THOP1: variants seen among roughly 807,000 people sequenced by gnomAD.
THOP1 encodes thimet oligopeptidase 1.
In THOP1, 49 loss-of-function variants were observed where a neutral mutation model predicts 71.8. That is an observed-to-expected ratio of 0.68 (90% CI 0.54 to 0.87). The LOEUF (loss-of-function observed/expected upper bound fraction) is 0.87, where lower values mean the gene tolerates loss of function less well. THOP1 is among the 40% of genes least tolerant of loss of function. The probability of loss-of-function intolerance (pLI) is 0.00; values close to 1 mark genes in which losing one functional copy is unlikely to be tolerated. For synonymous variants in THOP1, 426 were observed against 421.5 expected, an observed-to-expected ratio of 1.01 and a Z score of -0.13; for missense variants, 843 against 975.6, an observed-to-expected ratio of 0.86 and a Z score of 1.81.
At position 2,804,388 on chromosome 19, in the gene THOP1, T is replaced by C. The variant is rs957942308; in HGVS notation, c.590-628T>C. 2.0e-5 allele frequency among the ~76,000 whole-genome samples: 3 copies of C among 152,124 alleles called. No homozygotes were observed. The highest frequency in any genetic ancestry group is 7.2e-5 in the African/African-American group (3 of 41,410). ...TCTGGGAGTAGGAATTGGGTCTCTCTGGAGGGACACACTTGAAAGTGGTTG... is the reference window on the plus strand; with the variant it reads ...TCTGGGAGTAGGAATTGGGTCTCTCCGGAGGGACACACTTGAAAGTGGTTG... On this transcript the variant is annotated intron_variant, in intron 5 of 12. Transcript: ENST00000307741. This position sits in a 1 kb window ranked among gnomAD's most constrained non-coding sequence, Gnocchi z 4.7.
At position 2,796,041 on chromosome 19, in the gene THOP1, A is replaced by G. The variant is rs376178465; in HGVS notation, c.379-40A>G. The G allele has an allele frequency of 3.9e-6, 6 of 1,530,394 alleles. No individual in the cohort carries two copies. In the African/African-American group the frequency reaches 6.8e-5, roughly 17 times the overall value. The allele number at this position is 1,530,394 out of a possible 1,614,324, so 94.8% of individuals were successfully genotyped here. On this transcript the variant is annotated intron_variant, in intron 3 of 12. Coordinates refer to ENST00000307741, the MANE Select transcript of THOP1 (RefSeq NM_003249.5). The stretch of plus-strand genomic sequence containing the variant: ...CCAAACTGCTCTTTGGAGCGGCTGC[A>G]CTGGCCCACGTCCTACATGCTTTGA...
chr19:2,813,635 T>A lies in THOP1; in HGVS notation c.*359T>A, dbSNP rs1003272366. The A allele has an allele frequency of 2.1e-5, 4 of 193,160 alleles. No individual in the cohort carries two copies. Among genetic ancestry groups the A allele is most frequent in the African/African-American group, 9.3e-5 (4 of 42,946 alleles). 12.0% of individuals were successfully genotyped at this position (193,160 alleles called of 1,614,324 possible). Reference sequence around the variant, plus strand: ...CTGGCCTGGTCACTGGCTCCTGCGCTTTTTTGGTCCGAGGACGGTGGGACG... The same window carrying A: ...CTGGCCTGGTCACTGGCTCCTGCGCATTTTTGGTCCGAGGACGGTGGGACG... On this transcript the variant is annotated 3_prime_UTR_variant, in exon 13 of 13. Transcript: ENST00000307741.
chr19:2,807,435 C>A lies in THOP1; in HGVS notation c.887-7C>A, dbSNP rs1335022948. The stretch of plus-strand genomic sequence containing the variant: ...GCGAGAGGCCCACCTTTCTGCCCTC[C>A]CCGCAGATGAGCTGGCGCAGAAGCT... On this transcript the variant is annotated splice_region_variant and splice_polypyrimidine_tract_variant and intron_variant, in intron 7 of 12. Transcript: ENST00000307741. 6 of 1,578,418 alleles carry A rather than the reference C, an allele frequency of 3.8e-6. No individual in the cohort carries two copies. The South Asian group carries it at 6.8e-5, about 18-fold the overall frequency.
chr19:2,807,478 A>G lies in THOP1; in HGVS notation c.923A>G (p.Gln308Arg), dbSNP rs1293153653. ...LAQKLKPLGE[Q>R]ERAVILELKR... is the part of the protein sequence containing the mutation. Reference sequence around the variant, plus strand: ...CAGAAGCTGAAGCCCCTGGGGGAGCAGGAGCGTGCGGTGATTCTGGAGCTG... The same window carrying G: ...CAGAAGCTGAAGCCCCTGGGGGAGCGGGAGCGTGCGGTGATTCTGGAGCTG... Residue 308 changes from glutamine to arginine, a missense_variant, in exon 8 of 13, where the codon CAG becomes CGG. Transcript: ENST00000307741. The G allele has an allele frequency of 6.8e-6, 11 of 1,607,642 alleles. No individual in the cohort carries two copies. The highest frequency in any genetic ancestry group is 9.3e-6 in the Non-Finnish European group (11 of 1,177,430).
intron 10 of THOP1, 58 bp from the exon 11 acceptor site, chr19:2,810,582 T>TGG (rs1487540573): frequency 2.0e-6 from 3 of 1,530,926 alleles, no homozygotes; most frequent in Non-Finnish European, 2.6e-6. Flanking sequence ...GTCGGAGCTC[T>TGG]GGGCAGAGTG....
intron 4 of THOP1, among the ~76,000 whole-genome samples, chr19:2,798,264 C>G (rs1339479001): frequency 3.3e-5 from 5 of 152,156 alleles, no homozygotes; most frequent in Admixed American, 6.5e-5. Flanking sequence ...CTCCTAACCT[C>G]AAGTGATTCA....
At chr19:2,790,812 G>C (rs1915858948) in intron 2 of THOP1, among the ~76,000 whole-genome samples, 179 bp downstream of exon 2, 1 of 152,252 alleles carries the variant, frequency 6.6e-6, no homozygotes, top group Non-Finnish European at 1.5e-5. Context: ...GGCTAAATCA[G>C]ATGGCTGGGC....
rs543800542 is a variant in THOP1, at chr19:2,804,847, G to A, written c.590-169G>A. Among the ~76,000 whole-genome samples, 1 of 152,108 alleles carries A rather than the reference G, an allele frequency of 6.6e-6. No homozygotes were observed. The highest frequency in any genetic ancestry group is 1.9e-4 in the East Asian group (1 of 5,174). ...GCCAGGGTATTTCTTGATGGGGTTA[G>A]ATGGGGGATGTAAGAATTGCAGCGG... On this transcript the variant is annotated intron_variant, in intron 5 of 12. Coordinates refer to ENST00000307741, the MANE Select transcript of THOP1 (RefSeq NM_003249.5). This position sits in a 1 kb window ranked among gnomAD's most constrained non-coding sequence, Gnocchi z 4.7.
At chr19:2,806,195 C>T (rs1429249606) in intron 6 of THOP1, 1 of 152,368 alleles carries the variant, frequency 6.6e-6, no homozygotes, top group African/African-American at 2.4e-5. Context: ...GACTTCCCCA[C>T]TGCGCCTTAG....
intron 1 of THOP1, chr19:2,786,958 T>G: frequency 6.6e-6 from 1 of 151,836 alleles, no homozygotes; most frequent in Non-Finnish European, 1.5e-5. Context: ...GTAGAGACGG[T>G]GCTAGCCAGG....
intron 2 of THOP1, among the ~76,000 whole-genome samples, chr19:2,791,384 C>A (rs1206382253): frequency 6.8e-6 from 1 of 147,996 alleles, no homozygotes; most frequent in Non-Finnish European, 1.5e-5. Flanking sequence ...TCCTTGAGTT[C>A]AAGCCCAGGG....
chr19:2,812,679 T>A (rs1451856894), intron 12 of THOP1, among the ~76,000 whole-genome samples: 1 of 152,184 alleles, frequency 6.6e-6, no homozygotes, highest in African/African-American at 2.4e-5. Context: ...GTCTCCTTGG[T>A]GGCTGGCACC....
Position 2,804,588 on chromosome 19 carries a change from C to G in THOP1, c.590-428C>G, listed in dbSNP as rs1916243601. On this transcript the variant is annotated intron_variant, in intron 5 of 12. Coordinates refer to ENST00000307741, the MANE Select transcript of THOP1 (RefSeq NM_003249.5). This position sits in a 1 kb window ranked among gnomAD's most constrained non-coding sequence, Gnocchi z 4.7. ...TTGTCTTTGATGGGAGGCACTGCCTCTAACGCTGGTTTCCTTGTGCAGTGG... is the reference window on the plus strand; with the variant it reads ...TTGTCTTTGATGGGAGGCACTGCCTGTAACGCTGGTTTCCTTGTGCAGTGG... The G allele has an allele frequency of 6.2e-6, 1 of 161,468 alleles. No homozygotes were observed. The highest frequency in any genetic ancestry group is 1.3e-5 in the Non-Finnish European group (1 of 74,472). The allele number at this position is 161,468 out of a possible 1,614,324, so 10.0% of individuals were successfully genotyped here.
rs544228828 is a variant in THOP1, at chr19:2,802,324, G to A, written c.589+2533G>A. 2.5e-4 allele frequency among the ~76,000 whole-genome samples: 16 copies of A among 63,726 alleles called. No homozygotes were observed. In the Admixed American group the frequency reaches 2.6e-3, roughly 10 times the overall value. The allele number at this position is 63,726 out of a possible 152,430, so 41.8% of individuals were successfully genotyped here. A position where few individuals can be genotyped will look rare whatever the true frequency, so the allele number is the denominator to read the frequency against. On this transcript the variant is annotated intron_variant, in intron 5 of 12. Transcript: ENST00000307741. ...ACACCTCCCGACACCCCCACTTCCC[G>A]ACACCCCCACCTCCCGACACCAACA...
chr19:2,802,859 G>A (rs1298448815), intron 5 of THOP1, among the ~76,000 whole-genome samples: 7 of 152,172 alleles, frequency 4.6e-5, no homozygotes, highest in Non-Finnish European at 8.8e-5. Flanking sequence ...TCTTATTCCC[G>A]GGTTATCATT....
Position 2,785,560 on chromosome 19 carries a change from G to T in THOP1, c.-103G>T. 1 of 1,348,940 alleles carries T rather than the reference G, an allele frequency of 7.4e-7. No individual in the cohort carries two copies. Among genetic ancestry groups the T allele is most frequent in the Non-Finnish European group, 9.8e-7 (1 of 1,023,950 alleles). 83.6% of individuals were successfully genotyped at this position (1,348,940 alleles called of 1,614,324 possible). On this transcript the variant is annotated 5_prime_UTR_variant, in exon 1 of 13. Transcript: ENST00000307741. ...TTGGTCCTCAGGCGGCCGTGGCGGC[G>T]GTGGCGGCGGTTGGGCCGAGGCAGG... is the stretch of plus-strand genomic sequence containing the variant.
chr19:2,790,534 A>G lies in THOP1; in HGVS notation c.130A>G (p.Thr44Ala). 6.2e-7 allele frequency: 1 copy of G among 1,608,406 alleles called. No homozygotes were observed. Among genetic ancestry groups the G allele is most frequent in the Non-Finnish European group, 8.5e-7 (1 of 1,177,684 alleles). ...EERTRELIEQ[T>A]KRVYDQVGTQ... ...GCGCACCAGGGAGCTCATCGAGCAG[A>G]CCAAGCGCGTGTATGACCAGGTTGG... is the stretch of plus-strand genomic sequence containing the variant. The change falls in exon 2 of 13, where the codon ACC becomes GCC. Residue 44 changes from threonine to alanine, a missense_variant. Transcript: ENST00000307741.
chr19:2,787,915 C>A (rs761508740), intron 1 of THOP1, among the ~76,000 whole-genome samples: 16 of 152,216 alleles, frequency 1.1e-4, no homozygotes, highest in Non-Finnish European at 2.1e-4. Flanking sequence ...GTGCGTATTC[C>A]TGCATCTCAC....
chr19:2,810,571 G>T, intron 10 of THOP1, 69 bp from the exon 11 acceptor site: 1 of 1,526,916 alleles, frequency 6.5e-7, no homozygotes, highest in South Asian at 1.2e-5. Context: ...CCCGGGTGGG[G>T]GTCGGAGCTC....
Sources: gnomAD v4.1 joint callset for allele counts (sites outside exome capture counted in the v4.1 genomes callset) on GRCh38, gnomAD v4.1.1 for gene constraint, Gnocchi (gnomAD v3.1) non-coding constraint, MANE v1.5 for transcripts, NCBI Gene and HGNC (gene_info 2026-07-23, HGNC 2026-07-21) for gene names.